AMPD1: variants seen among roughly 807,000 people sequenced by gnomAD.
AMPD1 encodes adenosine monophosphate deaminase 1, also known as AMP deaminase 1.
AMPD1 carries 74 observed loss-of-function variants against 82.9 expected under a neutral mutation model. The observed-to-expected ratio is 0.89, with a 90% CI of 0.74 to 1.08. AMPD1 has a LOEUF of 1.08. Ranked by LOEUF, AMPD1 falls within the 50% of genes least tolerant of loss-of-function variation. The probability of loss-of-function intolerance (pLI) is 0.00; values close to 1 mark genes in which losing one functional copy is unlikely to be tolerated. For missense variants in AMPD1, 881 were observed against 924.5 expected, an observed-to-expected ratio of 0.95 and a Z score of 0.61; for synonymous variants, 333 against 320.5, an observed-to-expected ratio of 1.04 and a Z score of -0.42.
intron 7 of AMPD1, 111 bp from the exon 8 acceptor site, chr1:114,678,638 G>A (rs1383047388): frequency 2.1e-5 from 21 of 1,000,350 alleles, no homozygotes; most frequent in Non-Finnish European, 2.9e-5. Context: ...AGTGAATAAT[G>A]AGGATGTGAG....
intron 2 of AMPD1, among the ~76,000 whole-genome samples, chr1:114,690,804 G>A (rs1467007019): frequency 6.6e-6 from 1 of 152,112 alleles, no homozygotes; most frequent in Non-Finnish European, 1.5e-5. Flanking sequence ...GCAAGCAGAA[G>A]TTGGAAGAGG....
chr1:114,683,282 G>A, intron 5 of AMPD1: 3 of 300,944 alleles, frequency 1.0e-5, no homozygotes, highest in Non-Finnish European at 1.9e-5. Flanking sequence ...TGGTGAATAA[G>A]TGAGGGGAAG....
intron 7 of AMPD1, 78 bp downstream of exon 7, chr1:114,679,500 CA>C (rs1407307686): frequency 1.9e-6 from 3 of 1,571,002 alleles, no homozygotes; most frequent in Admixed American, 1.7e-5. Context: ...ATCAGAAACA[CA>C]CTCTTTTCTT....
Position 114,677,431 on chromosome 1 carries a change from C to G in AMPD1, c.1308G>C (p.Trp436Cys). Residue 436 changes from tryptophan (W) to cysteine (C), a missense_variant, in exon 10 of 16, where the codon TGG (tryptophan) becomes TGC (cysteine). Trp to Cys is a radical substitution (Grantham distance 215). Transcript: ENST00000520113. ...AGACGAACCAGGAGGAGAGTTTGCT[C>G]CACTCATCAGGACTGCGGCCATAGA... ...LSIYGRSPDE[W>C]SKLSSWFVCN... The G allele has an allele frequency of 1.2e-6, 2 of 1,612,094 alleles. No homozygotes were observed. Among genetic ancestry groups the G allele is most frequent in the Non-Finnish European group, 1.7e-6 (2 of 1,179,666 alleles).
intron 2 of AMPD1, among the ~76,000 whole-genome samples, chr1:114,689,998 A>T (rs1382752207): frequency 1.3e-5 from 2 of 152,152 alleles, no homozygotes; most frequent in Non-Finnish European, 2.9e-5. Context: ...ACAATGGCAA[A>T]TAGCTAGCTA....
intron 1 of AMPD1, among the ~76,000 whole-genome samples, 187 bp from the exon 2 acceptor site, chr1:114,693,634 T>C (rs1658586641): frequency 6.6e-6 from 1 of 152,224 alleles, no homozygotes; most frequent in African/African-American, 2.4e-5. Flanking sequence ...CTCTTCATTT[T>C]CTTTTCTTTT....
At position 114,679,668 on chromosome 1, in the gene AMPD1, TGGA is replaced by T. The variant is rs754882583; in HGVS notation, c.805_807del (p.Ser269del). 1.9e-6 allele frequency: 3 copies of T among 1,613,984 alleles called. No homozygotes were observed. The highest frequency in any genetic ancestry group is 2.5e-6 in the Non-Finnish European group (3 of 1,179,958). ...TTAAGCATCTGATGGACCTGGAACT[TGGA>T]GGAGAGGAACTTCAGGCGCCGGTGG... On this transcript the variant is annotated inframe_deletion, in exon 7 of 16. Coordinates refer to ENST00000520113, the MANE Select transcript of AMPD1 (RefSeq NM_000036.3).
intron 1 of AMPD1, 83 bp from the exon 2 acceptor site, chr1:114,693,530 A>G: frequency 8.2e-7 from 1 of 1,212,670 alleles, no homozygotes; most frequent in Non-Finnish European, 1.2e-6. Flanking sequence ...GCTTTGGGGT[A>G]GACACATGTA....
At chr1:114,675,749 C>T (rs1657962846) in intron 11 of AMPD1, 56 bp from the exon 12 acceptor site, 3 of 1,613,400 alleles carry the variant, frequency 1.9e-6, no homozygotes, top group Non-Finnish European at 2.5e-6. Context: ...GGTCCCAGTC[C>T]TCACACAAAC....
rs1426916063 is a variant in AMPD1, at chr1:114,695,446, C to G, written c.22+4G>C. The G allele has an allele frequency of 6.2e-6, 10 of 1,613,066 alleles. No homozygotes were observed. Among genetic ancestry groups the G allele is most frequent in the Non-Finnish European group, 7.6e-6 (9 of 1,179,876 alleles). On this transcript the variant is annotated splice_donor_region_variant and intron_variant, in intron 1 of 15. Transcript: ENST00000520113. ...TGAGCTCTCCAAACACTTTGTACAC[C>G]TACCTGGGAGTTTGAACAGAGGCAT... is the stretch of plus-strand genomic sequence containing the variant.
intron 2 of AMPD1, 81 bp from the exon 3 acceptor site, chr1:114,688,822 G>T: frequency 1.3e-6 from 2 of 1,492,934 alleles, no homozygotes; most frequent in Non-Finnish European, 1.9e-6. Context: ...TAAGGCATGG[G>T]ACAAGGACTG....
chr1:114,677,166 C>G (rs1658011147), intron 10 of AMPD1, among the ~76,000 whole-genome samples, 185 bp downstream of exon 10: 1 of 151,812 alleles, frequency 6.6e-6, no homozygotes, highest in Non-Finnish European at 1.5e-5. Flanking sequence ...TTCTTAACTC[C>G]TGTCTGTGGT....
intron 8 of AMPD1, 50 bp downstream of exon 8, chr1:114,678,281 CAT>C: frequency 2.5e-6 from 4 of 1,590,504 alleles, no homozygotes; most frequent in African/African-American, 1.3e-5. Flanking sequence ...AGGAGAAAGA[CAT>C]GTGGGGTTCT....
chr1:114,675,667 AT>A lies in AMPD1; in HGVS notation c.1541del (p.Asp514ValfsTer45), dbSNP rs1385715265. The A allele has an allele frequency of 1.2e-6, 2 of 1,614,086 alleles. No homozygotes were observed. The highest frequency in any genetic ancestry group is 2.7e-5 in the African/African-American group (2 of 74,932). On this transcript the variant is annotated frameshift_variant, in exon 12 of 16. Coordinates refer to ENST00000520113, the MANE Select transcript of AMPD1 (RefSeq NM_000036.3). LOFTEE classifies it high-confidence loss of function. The stretch of plus-strand genomic sequence containing the variant: ...ACATGTGGCCACTGTGTTTGGACTC[AT>A]CATCCACACTGTCAAAGCCAGTGAT... ...KHITGFDSVD[D>X]ESKHSGHMFS...
intron 4 of AMPD1, among the ~76,000 whole-genome samples, chr1:114,685,394 C>T (rs553967257): frequency 1.4e-3 from 206 of 152,226 alleles, no homozygotes; most frequent in Non-Finnish European, 2.4e-3. Context: ...GAGTGTTTAC[C>T]AGGAATTAAT....
Position 114,674,068 on chromosome 1 carries a change from C to T in AMPD1, c.1815G>A (p.Gln605=), listed in dbSNP as rs569798404. 2.5e-5 allele frequency: 41 copies of T among 1,613,762 alleles called. No individual in the cohort carries two copies. Among genetic ancestry groups the T allele is most frequent in the Non-Finnish European group, 3.4e-5 (40 of 1,179,746 alleles). The change falls in exon 14 of 16, where the codon CAG becomes CAA. Residue 605 remains glutamine, a synonymous_variant. Coordinates refer to ENST00000520113, the MANE Select transcript of AMPD1 (RefSeq NM_000036.3). ...GAATTTGGGCTAAGAAAAACAAGTA[C>T]TGTAGCACGGGACTCTGAAAAAGAA... ...GLNLKKSPVL[Q]YLFFLAQIPI...
rs1301672258 is a variant in AMPD1 at position 114,691,596 on chromosome 1, T to C, written c.34+1840A>G. On this transcript the variant is annotated intron_variant, in intron 2 of 15. Coordinates refer to ENST00000520113, the MANE Select transcript of AMPD1 (RefSeq NM_000036.3). ...AACAAATTTCAGGGAATGGTGGTGA[T>C]TATAGAAAGGAAAGAGTGAAACTTA... 3.3e-5 allele frequency among the ~76,000 whole-genome samples: 5 copies of C among 150,402 alleles called. No homozygotes were observed. In the East Asian group the frequency reaches 9.9e-4, roughly 30 times the overall value.
intron 3 of AMPD1, 192 bp from the exon 4 acceptor site, chr1:114,687,102 C>G: frequency 1.5e-6 from 1 of 662,160 alleles, no homozygotes; most frequent in South Asian, 1.6e-5. Flanking sequence ...TTGTGCCCCT[C>G]TCCCTGGTCT....
intron 2 of AMPD1, among the ~76,000 whole-genome samples, chr1:114,692,557 C>T (rs747946145): frequency 4.6e-5 from 7 of 151,854 alleles, no homozygotes; most frequent in African/African-American, 1.2e-4. Flanking sequence ...GTGGTGGGCA[C>T]CTGTAAACTC....
Sources: gnomAD v4.1 joint callset for allele counts (sites outside exome capture counted in the v4.1 genomes callset) on GRCh38, gnomAD v4.1.1 for gene constraint, MANE v1.5 for transcripts, NCBI Gene and HGNC (gene_info 2026-07-23, HGNC 2026-07-21) for gene names.